The following ZDHHC18 variants were observed in gnomAD, a reference collection of about 807,000 sequenced individuals.
The protein encoded by ZDHHC18 is zDHHC palmitoyltransferase 18, also known as palmitoyltransferase ZDHHC18.
ZDHHC18 carries 23 observed loss-of-function variants against 37.5 expected under a neutral mutation model. The ratio of observed to expected loss-of-function variants is 0.61; its 90% CI spans 0.44 to 0.87. The LOEUF (loss-of-function observed/expected upper bound fraction) is 0.87, where lower values mean the gene tolerates loss of function less well. Ranked by LOEUF, ZDHHC18 falls within the 40% of genes least tolerant of loss-of-function variation. ZDHHC18 has a pLI of 0.00. For missense variants in ZDHHC18, 406 were observed against 525.6 expected, an observed-to-expected ratio of 0.77 and a Z score of 2.22; for synonymous variants, 185 against 218.7, an observed-to-expected ratio of 0.85 and a Z score of 1.36.
chr1:26,827,900 C>CT, intron 1 of ZDHHC18, among the ~76,000 whole-genome samples: 1 of 152,322 alleles, frequency 6.6e-6, no homozygotes, highest in East Asian at 1.9e-4. Flanking sequence ...CCTGGCCCCC[C>CT]TGCTGACCAC....
chr1:26,845,414 C>A (rs2081659000), intron 2 of ZDHHC18, among the ~76,000 whole-genome samples: 1 of 143,562 alleles, frequency 7.0e-6, no homozygotes, highest in South Asian at 2.2e-4. Context: ...CTCACTGTAA[C>A]CCCCACCTCC....
intron 1 of ZDHHC18, among the ~76,000 whole-genome samples, chr1:26,830,175 A>G (rs1028442551): frequency 2.0e-5 from 3 of 151,772 alleles, no homozygotes; most frequent in African/African-American, 7.3e-5. Context: ...CTACTGTGCC[A>G]CTCCTGGAAG....
At chr1:26,839,474 G>A (rs923059329) in intron 2 of ZDHHC18, among the ~76,000 whole-genome samples, 3 of 152,110 alleles carry the variant, frequency 2.0e-5, no homozygotes, top group South Asian at 2.1e-4. Context: ...TACCTTCCCT[G>A]CCACCCCCAG....
At chr1:26,827,899 C>T (rs1030838015) in intron 1 of ZDHHC18, among the ~76,000 whole-genome samples, 1 of 152,176 alleles carries the variant, frequency 6.6e-6, no homozygotes, top group Non-Finnish European at 1.5e-5. Flanking sequence ...CCCTGGCCCC[C>T]CTGCTGACCA....
chr1:26,851,818 C>T (rs2081706082), intron 6 of ZDHHC18, among the ~76,000 whole-genome samples: 1 of 152,232 alleles, frequency 6.6e-6, no homozygotes, highest in Admixed American at 6.5e-5. Context: ...CTGGGGGAGA[C>T]AGGGCACAGG....
chr1:26,852,955 A>C (rs1570677114), intron 7 of ZDHHC18, 90 bp downstream of exon 7: 1 of 1,135,068 alleles, frequency 8.8e-7, no homozygotes. Flanking sequence ...CTCCCCCTAC[A>C]CCCTAGATGC....
chr1:26,838,912 A>C (rs2081625484), intron 2 of ZDHHC18, among the ~76,000 whole-genome samples: 1 of 152,228 alleles, frequency 6.6e-6, no homozygotes, highest in South Asian at 2.1e-4. Flanking sequence ...CTAGCACTCG[A>C]GGCCTGGGAG....
chr1:26,850,722 C>A lies in ZDHHC18; in HGVS notation c.833+116C>A. On this transcript the variant is annotated intron_variant, in intron 5 of 7. Transcript: ENST00000374142. This position sits in a 1 kb window ranked among gnomAD's most constrained non-coding sequence, Gnocchi z 6.1. ...CAGCGTACAGCTCACATGTGTCCTC[C>A]AGAATCCAACATGCCAGCTCTTCTG... 8.4e-7 allele frequency: 1 copy of A among 1,190,972 alleles called. No homozygotes were observed. Among genetic ancestry groups the A allele is most frequent in the Non-Finnish European group, 1.2e-6 (1 of 828,920 alleles). 73.8% of individuals were successfully genotyped at this position (1,190,972 alleles called of 1,614,324 possible).
At chr1:26,837,121 C>T (rs564071328) in intron 2 of ZDHHC18, among the ~76,000 whole-genome samples, 39 of 147,596 alleles carry the variant, frequency 2.6e-4, no homozygotes, top group African/African-American at 6.9e-4. Flanking sequence ...GGTGTGGTGG[C>T]GGCCACCTGT....
At position 26,826,763 on chromosome 1, in the gene ZDHHC18, G is replaced by C. The variant is rs931120010; in HGVS notation, c.-42G>C. 2.5e-4 allele frequency: 237 copies of C among 950,808 alleles called. 1 individual carries two copies. The African/African-American group carries it at 3.9e-3, about 16-fold the overall frequency. The allele number at this position is 950,808 out of a possible 1,614,324, so 58.9% of individuals were successfully genotyped here. ...CTCGGCCCGGTCCCGGAGTGGCCCG[G>C]CCGGCCCGCGGGGCGCGGAGCCGAG... is the stretch of plus-strand genomic sequence containing the variant. On this transcript the variant is annotated 5_prime_UTR_variant, in exon 1 of 8. Transcript: ENST00000374142. The surrounding 1 kb of genome is among the most constrained non-coding windows in gnomAD (Gnocchi z 5.2).
At chr1:26,831,872 A>G (rs2124247431) in intron 1 of ZDHHC18, 1 of 152,536 alleles carries the variant, frequency 6.6e-6, no homozygotes, top group African/African-American at 2.4e-5. Context: ...GCCTTTCCTG[A>G]CTGTGCTACT....
chr1:26,853,882 C>G lies in ZDHHC18; in HGVS notation c.*39C>G. ...CTTGCCACCTGCTGGCCTGTCTGAC[C>G]CTCCGCACTCACCTGCCGGGACCCT... On this transcript the variant is annotated 3_prime_UTR_variant, in exon 8 of 8. Transcript: ENST00000374142. The G allele has an allele frequency of 6.4e-7, 1 of 1,569,882 alleles. No individual in the cohort carries two copies. The highest frequency in any genetic ancestry group is 8.7e-7 in the Non-Finnish European group (1 of 1,143,630).
intron 2 of ZDHHC18, among the ~76,000 whole-genome samples, chr1:26,836,239 C>T (rs578023369): frequency 6.6e-6 from 1 of 152,334 alleles, no homozygotes; most frequent in Admixed American, 6.5e-5. Context: ...GGCTGCGTCT[C>T]TCTCCACTGC....
intron 2 of ZDHHC18, among the ~76,000 whole-genome samples, chr1:26,836,504 G>A (rs2081612142): frequency 2.0e-5 from 3 of 151,888 alleles, no homozygotes; most frequent in Admixed American, 6.6e-5. Context: ...AGTGATATGA[G>A]TCCAGCCTTT....
In ZDHHC18 at chr1:26,850,551, TC is replaced by T; in HGVS notation, c.785-3del. The T allele has an allele frequency of 6.2e-7, 1 of 1,614,042 alleles. No individual in the cohort carries two copies. Among genetic ancestry groups the T allele is most frequent in the Non-Finnish European group, 8.5e-7 (1 of 1,180,006 alleles). Reference sequence around the variant, plus strand: ...GAGCTTGTCCTCTCCTGTTTCTTTCTCCCCAGGCGCTCAGGGAAGCAACTTC... The same window carrying T: ...GAGCTTGTCCTCTCCTGTTTCTTTCTCCCAGGCGCTCAGGGAAGCAACTTC... On this transcript the variant is annotated splice_region_variant and splice_polypyrimidine_tract_variant and intron_variant, in intron 4 of 7. Transcript: ENST00000374142. This position sits in a 1 kb window ranked among gnomAD's most constrained non-coding sequence, Gnocchi z 6.1.
At chr1:26,849,338 C>T (rs1213274916) in intron 3 of ZDHHC18, among the ~76,000 whole-genome samples, 1 of 152,104 alleles carries the variant, frequency 6.6e-6, no homozygotes, top group East Asian at 1.9e-4. Flanking sequence ...CTGATGGGCA[C>T]CCTGAGAGGG....
intron 2 of ZDHHC18, among the ~76,000 whole-genome samples, chr1:26,846,542 T>C (rs997254511): frequency 6.6e-6 from 1 of 150,916 alleles, no homozygotes; most frequent in African/African-American, 2.4e-5. Flanking sequence ...TTAATCAGGA[T>C]GGTCTCCTGA....
intron 2 of ZDHHC18, among the ~76,000 whole-genome samples, chr1:26,834,330 C>T (rs1293254294): frequency 6.6e-6 from 1 of 152,198 alleles, no homozygotes; most frequent in Admixed American, 6.5e-5. Context: ...TGAGGGCGAC[C>T]CTGTTAACCA....
At chr1:26,834,059 G>A (rs1180896057) in intron 2 of ZDHHC18, among the ~76,000 whole-genome samples, 3 of 152,110 alleles carry the variant, frequency 2.0e-5, no homozygotes, top group East Asian at 1.9e-4. Flanking sequence ...AGGATCCCAC[G>A]GTCTGACCTG....
Sources: allele counts gnomAD v4.1 joint callset (sites outside exome capture counted in the v4.1 genomes callset), GRCh38; gene constraint gnomAD v4.1.1; non-coding constraint Gnocchi (gnomAD v3.1); transcripts MANE v1.5; gene names NCBI Gene and HGNC (gene_info 2026-07-23, HGNC 2026-07-21).